Variants in MAVS observed in about 807,000 individuals in gnomAD.
The protein encoded by MAVS is mitochondrial antiviral signaling protein.
In MAVS, 20 loss-of-function variants were observed where a neutral mutation model predicts 30.2. The observed-to-expected ratio is 0.66, with a 90% CI of 0.47 to 0.96. The LOEUF is 0.96. MAVS is among the 40% of genes least tolerant of loss of function. MAVS has a pLI of 0.00. For missense variants in MAVS, 624 were observed against 701.1 expected (o/e 0.89, Z 1.24); for synonymous variants, 278 against 293.9 (o/e 0.95, Z 0.55).
At chr20:3,862,473 A>G in intron 5 of MAVS, 60 bp downstream of exon 5, 1 of 1,514,618 alleles carries the variant, frequency 6.6e-7, no homozygotes, top group Non-Finnish European at 8.9e-7. Flanking sequence ...GGTAAGAATT[A>G]GAGTTGCCCC....
At position 3,848,351 on chromosome 20, in the gene MAVS, G is replaced by A. The variant is rs575497241; in HGVS notation, c.-68+1448G>A. On this transcript the variant is annotated intron_variant, in intron 1 of 6. Transcript: ENST00000428216. ...TGACCTCAAGTGATCTGCCTGCCTCGGCCTCCCAAAGTGCTGGGATTCCAG... is the reference window on the plus strand; with the variant it reads ...TGACCTCAAGTGATCTGCCTGCCTCAGCCTCCCAAAGTGCTGGGATTCCAG... Among the ~76,000 whole-genome samples, 27 of 152,146 alleles carry A rather than the reference G, an allele frequency of 1.8e-4. No individual in the cohort carries two copies. In the South Asian group the frequency reaches 2.1e-3, roughly 12 times the overall value.
rs1191253052 is a variant in MAVS at position 3,867,134 on chromosome 20, T to C, written c.*987T>C. ...AGAGCTGAGGGCATGAGAGGCAGAG[T>C]GCACAGTGGTCAAGGGTGCAGCTCT... On this transcript the variant is annotated 3_prime_UTR_variant, in exon 7 of 7. Transcript: ENST00000428216. 4.4e-6 allele frequency: 2 copies of C among 449,640 alleles called. No individual in the cohort carries two copies. Among genetic ancestry groups the C allele is most frequent in the Non-Finnish European group, 4.5e-6 (1 of 223,276 alleles). The allele number at this position is 449,640 out of a possible 1,614,324, so 27.9% of individuals were successfully genotyped here. A position where few individuals can be genotyped will look rare whatever the true frequency, so the allele number is the denominator to read the frequency against.
Position 3,866,320 on chromosome 20 carries a change from C to T in MAVS, c.*173C>T, listed in dbSNP as rs867681209. On this transcript the variant is annotated 3_prime_UTR_variant, in exon 7 of 7. Transcript: ENST00000428216. ...CCTTGGCTGAACCAAGTCCTGAGAGCAGCATCTCTGTCCCCACGGTGCCTT... is the reference window on the plus strand; with the variant it reads ...CCTTGGCTGAACCAAGTCCTGAGAGTAGCATCTCTGTCCCCACGGTGCCTT... 4 of 648,590 alleles carry T rather than the reference C, an allele frequency of 6.2e-6. 1 individual carries two copies. Among genetic ancestry groups the T allele is most frequent in the Middle Eastern group, 3.8e-4 (1 of 2,618 alleles). The allele number at this position is 648,590 out of a possible 1,614,324, so 40.2% of individuals were successfully genotyped here.
chr20:3,875,067 T>G lies in MAVS; in HGVS notation c.*8920T>G, dbSNP rs936334902. On this transcript the variant is annotated 3_prime_UTR_variant, in exon 7 of 7. Coordinates refer to ENST00000428216, the MANE Select transcript of MAVS (RefSeq NM_020746.5). ...GATTAGACCCCTCTCTTTATTAAGC[T>G]TCCTAAGATCAAACCCTGCTTTTGT... The G allele has an allele frequency of 1.2e-4, 19 of 152,464 alleles. No homozygotes were observed. The highest frequency in any genetic ancestry group is 4.3e-4 in the African/African-American group (18 of 41,568). 9.4% of individuals were successfully genotyped at this position (152,464 alleles called of 1,614,324 possible).
rs113132376 is a variant in MAVS, at chr20:3,864,707, G to A, written c.1077G>A (p.Val359=). ...LPINSTRAGM[V]PSKVPTSMVL... is the part of the protein sequence containing the mutation. Reference sequence around the variant, plus strand: ...TCAACTCAACCCGTGCTGGCATGGTGCCATCCAAAGTGCCTACTAGCATGG... The same window carrying A: ...TCAACTCAACCCGTGCTGGCATGGTACCATCCAAAGTGCCTACTAGCATGG... Residue 359 remains valine, a synonymous_variant, in exon 6 of 7, where the codon GTG becomes GTA. Transcript: ENST00000428216. 2.1e-4 allele frequency: 331 copies of A among 1,614,202 alleles called. No homozygotes were observed. In the African/African-American group the frequency reaches 3.7e-3, roughly 18 times the overall value.
chr20:3,859,814 C>T (rs1211536416), intron 3 of MAVS, among the ~76,000 whole-genome samples: 2 of 151,852 alleles, frequency 1.3e-5, no homozygotes, highest in African/African-American at 4.8e-5. Context: ...CCAAGTGATG[C>T]TTGTCACTCC....
chr20:3,861,633 G>A, intron 4 of MAVS, 129 bp downstream of exon 4: 1 of 1,044,298 alleles, frequency 9.6e-7, no homozygotes, highest in Non-Finnish European at 1.4e-6. Context: ...CAGAACCCTA[G>A]GGCTTCCTCA....
chr20:3,861,225 C>T (rs1313598023), intron 3 of MAVS, 107 bp from the exon 4 acceptor site: 2 of 1,054,152 alleles, frequency 1.9e-6, no homozygotes, highest in African/African-American at 1.6e-5. Context: ...CTCGATCTGA[C>T]CTCGTGATCT....
chr20:3,855,131 C>T (rs1013438788), intron 2 of MAVS, among the ~76,000 whole-genome samples: 3 of 151,988 alleles, frequency 2.0e-5, no homozygotes, highest in South Asian at 2.1e-4. Flanking sequence ...CCTTGTGATC[C>T]GCCTGCCTCG....
chr20:3,864,758 A>G lies in MAVS; in HGVS notation c.1128A>G (p.Thr376=). ...SMVLTKVSAS[T]VPTDGSSRNE... is the part of the protein sequence containing the mutation. ...TGCTCACCAAGGTGTCTGCCAGCAC[A>G]GTCCCCACTGACGGGAGCAGCAGAA... Residue 376 remains threonine (T), a synonymous_variant, in exon 6 of 7, where the codon ACA becomes ACG. Transcript: ENST00000428216. 1 of 1,614,154 alleles carries G rather than the reference A, an allele frequency of 6.2e-7. No homozygotes were observed. The highest frequency in any genetic ancestry group is 2.2e-5 in the East Asian group (1 of 44,886).
intron 1 of MAVS, among the ~76,000 whole-genome samples, chr20:3,852,106 T>C (rs1168855827): frequency 6.7e-6 from 1 of 149,208 alleles, no homozygotes; most frequent in Non-Finnish European, 1.5e-5. Context: ...GCCATTCTCC[T>C]GCCTCAGCCT....
chr20:3,850,440 A>G (rs1329973777), intron 1 of MAVS, among the ~76,000 whole-genome samples: 3 of 148,522 alleles, frequency 2.0e-5, no homozygotes, highest in Non-Finnish European at 4.5e-5. Flanking sequence ...AAAATACAAA[A>G]TTAGCGGGGC....
At chr20:3,850,062 A>C (rs2089744211) in intron 1 of MAVS, among the ~76,000 whole-genome samples, 1 of 146,684 alleles carries the variant, frequency 6.8e-6, no homozygotes, top group South Asian at 2.2e-4. Context: ...GCAGATCACG[A>C]GGTCAGGAGA....
At chr20:3,855,638 ATTG>A (rs1335326326) in intron 2 of MAVS, among the ~76,000 whole-genome samples, 1 of 152,120 alleles carries the variant, frequency 6.6e-6, no homozygotes, top group Non-Finnish European at 1.5e-5. Flanking sequence ...CAGGAGCCCC[ATTG>A]TTGTCTCCGC....
chr20:3,850,101 A>AC (rs1257128018), intron 1 of MAVS, among the ~76,000 whole-genome samples: 8 of 149,502 alleles, frequency 5.4e-5, no homozygotes, highest in South Asian at 2.1e-4. Flanking sequence ...ACACGGTGAA[A>AC]CCTGTCTCTA....
At chr20:3,861,213 G>C in intron 3 of MAVS, 119 bp from the exon 4 acceptor site, 1 of 882,072 alleles carries the variant, frequency 1.1e-6, no homozygotes, top group Non-Finnish European at 1.8e-6. Flanking sequence ...AGCCAGGGTG[G>C]TCTCGATCTG....
At chr20:3,847,556 A>G (rs2089719403) in intron 1 of MAVS, among the ~76,000 whole-genome samples, 2 of 152,142 alleles carry the variant, frequency 1.3e-5, no homozygotes, top group Non-Finnish European at 2.9e-5. Context: ...CAAACCAAAA[A>G]CACGAAAAAG....
intron 2 of MAVS, among the ~76,000 whole-genome samples, chr20:3,855,241 G>A (rs141185962): frequency 4.6e-5 from 7 of 152,216 alleles, no homozygotes; most frequent in African/African-American, 1.4e-4. Flanking sequence ...TGCTGACTTC[G>A]CCGAGCTCCC....
intron 1 of MAVS, among the ~76,000 whole-genome samples, chr20:3,853,653 G>T (rs1269416745): frequency 1.3e-5 from 2 of 152,052 alleles, no homozygotes; most frequent in Admixed American, 6.6e-5. Flanking sequence ...AATTAGCTGG[G>T]CATAGTGGCG....
Sources: allele counts gnomAD v4.1 joint callset (sites outside exome capture counted in the v4.1 genomes callset), GRCh38; gene constraint gnomAD v4.1.1; transcripts MANE v1.5; gene names NCBI Gene and HGNC (gene_info 2026-07-23, HGNC 2026-07-21).